Variants in ZBTB7C observed in about 807,000 individuals in gnomAD.
ZBTB7C encodes the protein zinc finger and BTB domain containing 7C, also known as zinc finger and BTB domain-containing protein 7C.
In ZBTB7C, 8 loss-of-function variants were observed where a neutral mutation model predicts 25.7. The observed-to-expected ratio is 0.31, with a 90% CI of 0.18 to 0.56. ZBTB7C has a LOEUF of 0.56. Among genes scored for constraint, ZBTB7C ranks in the 20% least tolerant of loss-of-function variants. The pLI is 0.91. For missense variants in ZBTB7C, 824 were observed against 855.2 expected (o/e 0.96, Z 0.46); for synonymous variants, 394 against 369.0 (o/e 1.07, Z -0.78).
chr18:48,326,752 T>C (rs1269331457), intron 2 of ZBTB7C, among the ~76,000 whole-genome samples: 1 of 152,192 alleles, frequency 6.6e-6, no homozygotes, highest in African/African-American at 2.4e-5. Context: ...AATACATACT[T>C]GAATTTCTGT....
intron 3 of ZBTB7C, among the ~76,000 whole-genome samples, chr18:48,056,465 C>T (rs2036919347): frequency 6.6e-6 from 1 of 152,144 alleles, no homozygotes. Context: ...ACCAGCCCTA[C>T]CAGATATGAA....
chr18:48,142,567 CCA>C (rs146688444), intron 3 of ZBTB7C, among the ~76,000 whole-genome samples: 1,586 of 152,242 alleles, frequency 0.01, 19 homozygotes, highest in African/African-American at 0.037. Context: ...CACCCTCCTC[CCA>C]GACTGTATCA....
At chr18:48,031,709 T>G (rs1324472665) in intron 4 of ZBTB7C, among the ~76,000 whole-genome samples, 2 of 152,200 alleles carry the variant, frequency 1.3e-5, no homozygotes, top group Non-Finnish European at 2.9e-5. Context: ...CACATGCTGG[T>G]GGTGGTGGTG....
At chr18:48,064,244 A>G (rs2037235328) in intron 3 of ZBTB7C, among the ~76,000 whole-genome samples, 2 of 152,202 alleles carry the variant, frequency 1.3e-5, no homozygotes, top group South Asian at 4.1e-4. Context: ...AATTCCCACT[A>G]GGGGAGGTCT....
At chr18:48,244,510 C>G (rs1333222329) in intron 2 of ZBTB7C, among the ~76,000 whole-genome samples, 1 of 152,148 alleles carries the variant, frequency 6.6e-6, no homozygotes, top group Non-Finnish European at 1.5e-5. Flanking sequence ...AGACAACCCA[C>G]AGAGTGGGAG....
chr18:48,051,099 A>G (rs1348570628), intron 3 of ZBTB7C, among the ~76,000 whole-genome samples: 4 of 152,124 alleles, frequency 2.6e-5, no homozygotes, highest in African/African-American at 9.7e-5. Context: ...CAGCCCCAAC[A>G]TCATCGCCAC....
chr18:48,228,100 T>A (rs1296865480), intron 2 of ZBTB7C, among the ~76,000 whole-genome samples: 1 of 152,120 alleles, frequency 6.6e-6, no homozygotes, highest in Non-Finnish European at 1.5e-5. Flanking sequence ...CAGGTTGCCA[T>A]TAAGCAAGTT....
intron 3 of ZBTB7C, chr18:48,136,951 GCTCCCCA>G: frequency 5.1e-6 from 5 of 978,768 alleles, no homozygotes; most frequent in South Asian, 4.7e-5. Context: ...CGGCCGCTGG[GCTCCCCA>G]GAGCCCCGAT....
chr18:48,186,752 C>T (rs1350383403), intron 2 of ZBTB7C, among the ~76,000 whole-genome samples: 3 of 152,094 alleles, frequency 2.0e-5, no homozygotes, highest in Admixed American at 1.3e-4. Context: ...CTGATGCATA[C>T]GTGGATTTTT....
intron 3 of ZBTB7C, among the ~76,000 whole-genome samples, chr18:48,118,957 T>C (rs1598912631): frequency 6.6e-6 from 1 of 152,302 alleles, no homozygotes; most frequent in East Asian, 1.9e-4. Flanking sequence ...TTTAATCTTC[T>C]TTTACCTTTA....
At chr18:48,067,063 C>A (rs2144365464) in intron 3 of ZBTB7C, among the ~76,000 whole-genome samples, 1 of 152,280 alleles carries the variant, frequency 6.6e-6, no homozygotes, top group African/African-American at 2.4e-5. Context: ...GATTGTGCCA[C>A]TGCACTCTAG....
At chr18:48,356,999 G>T (rs965110240) in intron 1 of ZBTB7C, among the ~76,000 whole-genome samples, 2 of 152,294 alleles carry the variant, frequency 1.3e-5, no homozygotes, top group East Asian at 3.9e-4. Context: ...CTAGAGACAG[G>T]ACCAGGCCTG....
At chr18:48,109,156 G>C (rs142040676) in intron 3 of ZBTB7C, among the ~76,000 whole-genome samples, 2 of 152,274 alleles carry the variant, frequency 1.3e-5, no homozygotes, top group Non-Finnish European at 2.9e-5. Context: ...GTGTTGCTAA[G>C]AACCCAGGCT....
Position 48,029,315 on chromosome 18 carries a change from AG to A in ZBTB7C, c.1804del (p.Leu602SerfsTer125). 1 of 1,536,130 alleles carries A rather than the reference AG, an allele frequency of 6.5e-7. No individual in the cohort carries two copies. The highest frequency in any genetic ancestry group is 8.7e-7 in the Non-Finnish European group (1 of 1,146,852). ...GTGGTTGAGGCCGGCGAGCCCAGGG[AG>A]GCCGGCCAGGCCGGCGGCCCAAGGG... ...PDPWAAGLAGLPGLAGLNHVA... is the reference protein window; with the variant it reads ...PDPWAAGLAGXPGLAGLNHVA... On this transcript the variant is annotated frameshift_variant, in exon 5 of 5. Coordinates refer to ENST00000590800, the MANE Select transcript of ZBTB7C (RefSeq NM_001318841.2). LOFTEE classifies it high-confidence loss of function.
chr18:48,086,491 G>A (rs941732251), intron 3 of ZBTB7C, among the ~76,000 whole-genome samples: 9 of 152,194 alleles, frequency 5.9e-5, no homozygotes, highest in Non-Finnish European at 8.8e-5. Flanking sequence ...CTAACACCCC[G>A]TGTATGGTCC....
At chr18:48,249,639 T>C (rs532317955) in intron 2 of ZBTB7C, among the ~76,000 whole-genome samples, 7 of 152,314 alleles carry the variant, frequency 4.6e-5, no homozygotes, top group Admixed American at 4.6e-4. Flanking sequence ...TTTTTAAATG[T>C]TCTCTTTAAA....
chr18:48,292,323 C>G (rs2045255000), intron 2 of ZBTB7C, among the ~76,000 whole-genome samples: 1 of 152,122 alleles, frequency 6.6e-6, no homozygotes, highest in Non-Finnish European at 1.5e-5. Flanking sequence ...ACAGTGGGCA[C>G]AACTGAGGAA....
intron 3 of ZBTB7C, among the ~76,000 whole-genome samples, chr18:48,105,175 A>G (rs1019458588): frequency 6.6e-6 from 1 of 152,214 alleles, no homozygotes; most frequent in Non-Finnish European, 1.5e-5. Context: ...AATTCTGCCA[A>G]TGTGAGAAGA....
intron 3 of ZBTB7C, among the ~76,000 whole-genome samples, chr18:48,084,132 G>A (rs543126092): frequency 2.4e-4 from 36 of 152,332 alleles, no homozygotes; most frequent in Non-Finnish European, 4.1e-4. Context: ...GTTGAGGAAG[G>A]AAGCAGTGGG....
Sources: allele counts gnomAD v4.1 joint callset (sites outside exome capture counted in the v4.1 genomes callset), GRCh38; gene constraint gnomAD v4.1.1; transcripts MANE v1.5; gene names NCBI Gene and HGNC (gene_info 2026-07-23, HGNC 2026-07-21).